The following FRAS1 variants were observed in gnomAD, a reference collection of about 807,000 sequenced individuals.
FRAS1 encodes extracellular matrix organizing protein FRAS1.
In FRAS1, 290 loss-of-function variants were observed where a neutral mutation model predicts 435.2. That is an observed-to-expected ratio of 0.67 (90% CI 0.61 to 0.73). FRAS1 has a LOEUF of 0.73. Among genes scored for constraint, FRAS1 ranks in the 30% least tolerant of loss-of-function variants. The probability of loss-of-function intolerance (pLI) is 0.00; values close to 1 mark genes in which losing one functional copy is unlikely to be tolerated. For synonymous variants in FRAS1, 1,800 were observed against 1,851.0 expected (o/e 0.97, Z 0.71); for missense variants, 4,860 against 5,001.5 (o/e 0.97, Z 0.85).
At chr4:78,521,661 T>C in intron 68 of FRAS1, 31 bp downstream of exon 68, 2 of 1,353,480 alleles carry the variant, frequency 1.5e-6, no homozygotes, top group Non-Finnish European at 2.1e-6. Context: ...TTTTTCCAAC[T>C]TTTTATTAAG....
In FRAS1 at chr4:78,478,995, G is replaced by A. The variant is rs145211202; in HGVS notation, c.8099-379G>A. On this transcript the variant is annotated intron_variant, in intron 55 of 73. Coordinates refer to ENST00000512123, the MANE Select transcript of FRAS1 (RefSeq NM_025074.7). ...AAAGTATAGAAGTTTATTCAGAAAG[G>A]CAGTGAACTGTGCTTATAGCACTAC... Among the ~76,000 whole-genome samples the A allele has an allele frequency of 3.0e-3, 452 of 152,286 alleles. 2 individuals carry two copies. Among genetic ancestry groups the A allele is most frequent in the African/African-American group, 0.01 (426 of 41,552 alleles).
At chr4:78,483,799 A>ATATATATATATATATATATACATATATAT (rs1560753038) in intron 58 of FRAS1, among the ~76,000 whole-genome samples, 4 of 67,462 alleles carry the variant, frequency 5.9e-5, no homozygotes, top group African/African-American at 1.7e-4. Flanking sequence ...TATATATATA[A>ATATATATATATATATATATACATATATAT]AATTATGTAT....
chr4:78,540,645 G>C lies in FRAS1; in HGVS notation c.11560G>C (p.Asp3854His). 1.2e-6 allele frequency: 2 copies of C among 1,607,704 alleles called. No homozygotes were observed. The highest frequency in any genetic ancestry group is 1.7e-6 in the Non-Finnish European group (2 of 1,176,570). The change falls in exon 74 of 74, where the codon GAC becomes CAC. Residue 3854 changes from aspartate (D) to histidine (H), a missense_variant. By Grantham distance (81) the Asp-to-His change is moderately conservative. Coordinates refer to ENST00000512123, the MANE Select transcript of FRAS1 (RefSeq NM_025074.7). ...LTAPLRRNRR[D>H]LVEPDGQLIL... ...AGCTCCACTCAGACGCAACCGAAGG[G>C]ACCTGGTAGAGCCCGATGGCCAGCT...
chr4:78,168,496 T>A (rs906020951), intron 2 of FRAS1, among the ~76,000 whole-genome samples: 1 of 152,002 alleles, frequency 6.6e-6, no homozygotes, highest in African/African-American at 2.4e-5. Flanking sequence ...ATAAACCTAA[T>A]CTAAAACTTC....
chr4:78,309,289 A>C (rs937854398), intron 15 of FRAS1, among the ~76,000 whole-genome samples: 1 of 152,208 alleles, frequency 6.6e-6, no homozygotes, highest in African/African-American at 2.4e-5. Context: ...TAAGATGATA[A>C]GTCTGTGTTG....
intron 41 of FRAS1, among the ~76,000 whole-genome samples, chr4:78,442,753 T>A (rs1403437454): frequency 6.6e-6 from 1 of 152,160 alleles, no homozygotes; most frequent in Non-Finnish European, 1.5e-5. Flanking sequence ...ACCTGGAGGG[T>A]TGAAAGTGTT....
Position 78,539,398 on chromosome 4 carries a change from A to G in FRAS1, c.11403A>G (p.Pro3801=). Residue 3801 remains proline, a synonymous_variant, in exon 73 of 74, where the codon CCA becomes CCG. Transcript: ENST00000512123. Reference sequence around the variant, plus strand: ...ATTTCCATGTGGTCAGTAACATGCCAGGTGTGGATGGATTTACTCTAAAAG... The same window carrying G: ...ATTTCCATGTGGTCAGTAACATGCCGGGTGTGGATGGATTTACTCTAAAAG... ...LPDFHVVSNM[P]GVDGFTLKVD... 6.2e-7 allele frequency: 1 copy of G among 1,612,308 alleles called. No individual in the cohort carries two copies. The highest frequency in any genetic ancestry group is 8.5e-7 in the Non-Finnish European group (1 of 1,179,246).
chr4:78,306,389 C>T (rs1176318991), intron 14 of FRAS1, among the ~76,000 whole-genome samples: 1 of 138,560 alleles, frequency 7.2e-6, no homozygotes, highest in African/African-American at 2.6e-5. Flanking sequence ...CTCTGTGTTT[C>T]CTGAATCTGA....
intron 14 of FRAS1, among the ~76,000 whole-genome samples, chr4:78,300,884 G>C (rs1280199623): frequency 6.6e-6 from 1 of 152,036 alleles, no homozygotes; most frequent in Non-Finnish European, 1.5e-5. Flanking sequence ...CCCTGTGACT[G>C]GCTGCCTTTC....
chr4:78,502,170 C>A (rs897479754), intron 61 of FRAS1, among the ~76,000 whole-genome samples: 1 of 152,140 alleles, frequency 6.6e-6, no homozygotes, highest in African/African-American at 2.4e-5. Flanking sequence ...CAGCTTTGTT[C>A]TTTTTGCTTA....
chr4:78,171,560 T>C (rs1199831776), intron 2 of FRAS1, among the ~76,000 whole-genome samples: 1 of 152,136 alleles, frequency 6.6e-6, no homozygotes, highest in Non-Finnish European at 1.5e-5. Flanking sequence ...TACCACCACT[T>C]CTTGCCACAT....
intron 18 of FRAS1, among the ~76,000 whole-genome samples, chr4:78,328,538 G>C (rs1220541364): frequency 6.6e-6 from 1 of 152,000 alleles, no homozygotes; most frequent in African/African-American, 2.4e-5. Flanking sequence ...GTTTTATTTT[G>C]TGTTAAACAT....
intron 22 of FRAS1, among the ~76,000 whole-genome samples, chr4:78,366,695 G>A (rs1578277214): frequency 3.9e-5 from 6 of 152,250 alleles, no homozygotes; most frequent in Admixed American, 1.3e-4. Context: ...AGTGGTTTCT[G>A]GTCGACTCTG....
At position 78,536,996 on chromosome 4, in the gene FRAS1, T is replaced by C; in HGVS notation, c.11094T>C (p.Gly3698=). 2 of 1,613,452 alleles carry C rather than the reference T, an allele frequency of 1.2e-6. No homozygotes were observed. The highest frequency in any genetic ancestry group is 1.7e-6 in the Non-Finnish European group (2 of 1,179,478). Residue 3698 remains glycine (G), a splice_region_variant and synonymous_variant, in exon 72 of 74, where the codon GGT becomes GGC. Coordinates refer to ENST00000512123, the MANE Select transcript of FRAS1 (RefSeq NM_025074.7). ...EMDYKGAFSK[G]QILYGRVLWN... ...ATTAATACCTTTCAATCTTTTCAGG[T>C]CAAATCCTTTATGGCCGAGTACTTT...
rs371150365 is a variant in FRAS1, at chr4:78,439,061, C to T, written c.5526C>T (p.Ile1842=). Residue 1842 remains isoleucine, a synonymous_variant, in exon 40 of 74, where the codon ATC becomes ATT. Coordinates refer to ENST00000512123, the MANE Select transcript of FRAS1 (RefSeq NM_025074.7). ...PPPVIAFADL[I]TVDEGGRAPL... ...CAGTCATTGCTTTTGCTGACCTTAT[C>T]ACGGTAAACAATTCTCAGATCAATA... 68 of 1,611,344 alleles carry T rather than the reference C, an allele frequency of 4.2e-5. No homozygotes were observed. The highest frequency in any genetic ancestry group is 5.8e-5 in the Non-Finnish European group (68 of 1,178,376).
intron 1 of FRAS1, among the ~76,000 whole-genome samples, 200 bp from the exon 2 acceptor site, chr4:78,065,785 A>G (rs1340714018): frequency 1.3e-5 from 2 of 152,172 alleles, no homozygotes; most frequent in African/African-American, 4.8e-5. Flanking sequence ...GCTTTTCCTC[A>G]TGTGTGTCCA....
chr4:78,461,874 T>A (rs79484318), intron 47 of FRAS1, among the ~76,000 whole-genome samples: 4,880 of 152,276 alleles, frequency 0.032, 282 homozygotes, highest in African/African-American at 0.11. Flanking sequence ...ACTATATAAT[T>A]CTATTTATTA....
At chr4:78,152,465 C>T (rs946706548) in intron 2 of FRAS1, among the ~76,000 whole-genome samples, 13 of 152,050 alleles carry the variant, frequency 8.5e-5, no homozygotes, top group Admixed American at 5.9e-4. Context: ...GATTTTAAAT[C>T]GGTACAGGCT....
chr4:78,104,918 C>T lies in FRAS1; in HGVS notation c.108+38902C>T, dbSNP rs115097002. ...AGTTTTATAATAAAATTGAACTAAT[C>T]CTGACTCTCAGACAAGGTGTTCAGC... On this transcript the variant is annotated intron_variant, in intron 2 of 73. Transcript: ENST00000512123. 5.9e-3 allele frequency among the ~76,000 whole-genome samples: 905 copies of T among 152,286 alleles called. 11 individuals are homozygous for T. Among genetic ancestry groups the T allele is most frequent in the African/African-American group, 0.021 (870 of 41,582 alleles).
Sources: allele counts gnomAD v4.1 joint callset (sites outside exome capture counted in the v4.1 genomes callset), GRCh38; gene constraint gnomAD v4.1.1; transcripts MANE v1.5; gene names NCBI Gene and HGNC (gene_info 2026-07-23, HGNC 2026-07-21).